TTC34: variants seen among roughly 807,000 people sequenced by gnomAD.
TTC34 encodes tetratricopeptide repeat protein 34.
A neutral mutation model predicts 40.7 loss-of-function variants in TTC34; 44 were observed. The ratio of observed to expected loss-of-function variants is 1.08; its 90% CI spans 0.85 to 1.39. TTC34 has a LOEUF of 1.39. Ranked by LOEUF, TTC34 falls within the 40% of genes most tolerant of loss-of-function variation. TTC34 has a pLI of 0.00. For synonymous variants in TTC34, 422 were observed against 398.6 expected, an observed-to-expected ratio of 1.06 and a Z score of -0.70; for missense variants, 884 against 838.0, an observed-to-expected ratio of 1.05 and a Z score of -0.68.
At chr1:2,688,790 C>T (rs1292153823) in intron 6 of TTC34, among the ~76,000 whole-genome samples, 9 of 103,176 alleles carry the variant, frequency 8.7e-5, no homozygotes, top group Non-Finnish European at 1.5e-4. Context: ...GAGCATCTGA[C>T]AGCATGTAAC....
intron 6 of TTC34, among the ~76,000 whole-genome samples, chr1:2,688,193 G>C (rs1341330290): frequency 2.0e-5 from 3 of 152,072 alleles, no homozygotes; most frequent in Non-Finnish European, 1.5e-5. Flanking sequence ...GGACAGCCTG[G>C]AGCAGCACCC....
chr1:2,787,779 G>A (rs1455930416), intron 3 of TTC34, 73 bp from the exon 4 acceptor site: 1 of 1,284,412 alleles, frequency 7.8e-7, no homozygotes, highest in Non-Finnish European at 1.1e-6. Flanking sequence ...ATTGGGCAGT[G>A]GGGAAATCCC....
At chr1:2,783,553 C>T (rs1643521329) in intron 6 of TTC34, 56 bp downstream of exon 6, 2 of 1,312,314 alleles carry the variant, frequency 1.5e-6, no homozygotes, top group Admixed American at 3.4e-5. Flanking sequence ...AGGAAGGCAG[C>T]TCCCTGGGTC....
chr1:2,695,064 G>GCA (rs1557625090), intron 6 of TTC34, among the ~76,000 whole-genome samples: 1 of 43,630 alleles, frequency 2.3e-5, no homozygotes, highest in African/African-American at 8.7e-5. Context: ...CACTGAAACA[G>GCA]CACACACACC....
intron 6 of TTC34, among the ~76,000 whole-genome samples, chr1:2,764,041 C>A (rs1381276714): frequency 2.7e-5 from 3 of 109,746 alleles, no homozygotes; most frequent in South Asian, 6.6e-4. Flanking sequence ...CATCTGACCG[C>A]ATGGAATGGC....
chr1:2,656,366 G>A (rs1177134571), intron 6 of TTC34, among the ~76,000 whole-genome samples: 4 of 95,202 alleles, frequency 4.2e-5, no homozygotes, highest in African/African-American at 1.8e-4. Flanking sequence ...GCCTGGAACA[G>A]CACCCACACC....
Position 2,752,718 on chromosome 1 carries a change from G to A in TTC34, c.2226+30891C>T, listed in dbSNP as rs1438443690. On this transcript the variant is annotated intron_variant, in intron 6 of 8. Transcript: ENST00000401095. ...GCCCAGATGAGCATCTGACAGCATG[G>A]AACAGCACCCTGCACCCCCAGGACA... is the stretch of plus-strand genomic sequence containing the variant. Among the ~76,000 whole-genome samples, 62 of 134,454 alleles carry A rather than the reference G, an allele frequency of 4.6e-4. 1 individual carries two copies. Among genetic ancestry groups the A allele is most frequent in the Non-Finnish European group, 7.1e-4 (45 of 63,784 alleles). 88.2% of individuals were successfully genotyped at this position (134,454 alleles called of 152,430 possible).
At chr1:2,681,149 G>C (rs1192498676) in intron 6 of TTC34, among the ~76,000 whole-genome samples, 2 of 117,206 alleles carry the variant, frequency 1.7e-5, no homozygotes, top group Non-Finnish European at 3.6e-5. Context: ...CACAGCCCAA[G>C]GTGAGCATCT....
chr1:2,688,332 C>A (rs1487346500), intron 6 of TTC34, among the ~76,000 whole-genome samples: 2 of 140,946 alleles, frequency 1.4e-5, no homozygotes, highest in African/African-American at 5.9e-5. Flanking sequence ...CCCCACACCC[C>A]CAGGTGAGCA....
chr1:2,654,148 A>T (rs1285776959), intron 6 of TTC34, among the ~76,000 whole-genome samples: 1 of 60,042 alleles, frequency 1.7e-5, no homozygotes. Flanking sequence ...GAGCATCTGA[A>T]CGCACGGAGC....
chr1:2,654,000 G>GCGCCCACAACCCCAGGCGAGCATC (rs1639244556), intron 6 of TTC34, among the ~76,000 whole-genome samples: 1 of 105,450 alleles, frequency 9.5e-6, no homozygotes, highest in South Asian at 3.0e-4. Context: ...GTCTGGAGCA[G>GCGCCCACAACCCCAGGCGAGCATC]TGCCCACACC....
intron 6 of TTC34, among the ~76,000 whole-genome samples, chr1:2,752,509 A>G (rs1641356463): frequency 7.0e-6 from 1 of 143,048 alleles, no homozygotes; most frequent in Non-Finnish European, 1.5e-5. Context: ...TGAGCATCTG[A>G]CAGCCTGGAG....
intron 6 of TTC34, among the ~76,000 whole-genome samples, chr1:2,647,628 C>T (rs115447010): frequency 0.013 from 2,049 of 152,166 alleles, 43 homozygotes; most frequent in African/African-American, 0.038. Flanking sequence ...AGTGAGACTC[C>T]ATCTCTTCTA....
In TTC34 at chr1:2,686,482, C is replaced by G. The variant is rs534638336; in HGVS notation, c.2227-40919G>C. Among the ~76,000 whole-genome samples, 668 of 136,430 alleles carry G rather than the reference C, an allele frequency of 4.9e-3. 25 individuals carry two copies. The highest frequency in any genetic ancestry group is 0.02 in the African/African-American group (632 of 32,192). 89.5% of individuals were successfully genotyped at this position (136,430 alleles called of 152,430 possible). ...GACAGACTGGAACAGCACCCACATG[C>G]CCAGCTGAGCCTGTGACAGCCTCGA... On this transcript the variant is annotated intron_variant, in intron 6 of 8. Transcript: ENST00000401095.
rs1638994415 is a variant in TTC34 at position 2,645,165 on chromosome 1, G to A, written c.2497+128C>T. On this transcript the variant is annotated intron_variant, in intron 7 of 8. Coordinates refer to ENST00000401095, the Ensembl canonical transcript of TTC34. This position sits in a 1 kb window ranked among gnomAD's most constrained non-coding sequence, Gnocchi z 4.7. ...GCCAGAGGTCATGGGATTTGGGGTG[G>A]AAGGGACCTTGGAAGCTGTTGTGGT... The A allele has an allele frequency of 8.5e-7, 1 of 1,182,400 alleles. No individual in the cohort carries two copies. Among genetic ancestry groups the A allele is most frequent in the Admixed American group, 3.4e-5 (1 of 29,134 alleles). 73.2% of individuals were successfully genotyped at this position (1,182,400 alleles called of 1,614,324 possible). A position where few individuals can be genotyped will look rare whatever the true frequency, so the allele number is the denominator to read the frequency against.
chr1:2,675,600 C>G (rs111304945), intron 6 of TTC34, among the ~76,000 whole-genome samples: 2,484 of 83,566 alleles, frequency 0.03, 39 homozygotes, highest in Middle Eastern at 0.063. Flanking sequence ...ACGGCACCCA[C>G]AACCCCAGGC....
chr1:2,752,539 T>A (rs1384987197), intron 6 of TTC34, among the ~76,000 whole-genome samples: 59 of 6,770 alleles, frequency 8.7e-3, no homozygotes, highest in African/African-American at 0.017. Context: ...CATCCCCAGG[T>A]GAGCATCTGA....
exon 2 of TTC34, chr1:2,800,378 G>A: frequency 7.5e-6 from 3 of 398,522 alleles, no homozygotes; most frequent in South Asian, 1.3e-4. Context: ...CCTGCACCCC[G>A]GACAGGACCC....
chr1:2,784,980 C>CACTCTGGGCCGCCCTGGGCT, intron 5 of TTC34, among the ~76,000 whole-genome samples: 1 of 27,202 alleles, frequency 3.7e-5, no homozygotes, highest in Non-Finnish European at 6.6e-5. Flanking sequence ...CACTCTGGGC[C>CACTCTGGGCCGCCCTGGGCT]GCTCTGGGCT....
Sources: gnomAD v4.1 joint callset for allele counts (sites outside exome capture counted in the v4.1 genomes callset) on GRCh38, gnomAD v4.1.1 for gene constraint, Gnocchi (gnomAD v3.1) non-coding constraint, MANE v1.5 for transcripts, NCBI Gene and HGNC (gene_info 2026-07-23, HGNC 2026-07-21) for gene names.